Variants in SRBD1 observed in about 807,000 individuals in gnomAD.
SRBD1 encodes S1 RNA-binding domain-containing protein 1.
Under a neutral mutation model 115.3 loss-of-function variants are expected in SRBD1, and 88 were observed. The observed-to-expected ratio is 0.76, with a 90% CI of 0.64 to 0.91. The LOEUF (loss-of-function observed/expected upper bound fraction) is 0.91. SRBD1 is among the 40% of genes least tolerant of loss of function. SRBD1 has a pLI of 0.00. For missense variants in SRBD1, 1,385 were observed against 1,177.4 expected, an observed-to-expected ratio of 1.18 and a Z score of -2.58; for synonymous variants, 509 against 407.7, an observed-to-expected ratio of 1.25 and a Z score of -2.99.
chr2:45,401,355 G>T (rs931105650), intron 19 of SRBD1, among the ~76,000 whole-genome samples: 1 of 152,150 alleles, frequency 6.6e-6, no homozygotes, highest in Non-Finnish European at 1.5e-5. Context: ...TCTCTTTTAT[G>T]ATGCTATGTC....
chr2:45,425,220 A>C (rs536976596), intron 16 of SRBD1, among the ~76,000 whole-genome samples: 1 of 152,214 alleles, frequency 6.6e-6, no homozygotes, highest in Non-Finnish European at 1.5e-5. Flanking sequence ...GACTGAGACA[A>C]TGAAAACTAT....
At chr2:45,500,590 T>G (rs946548837) in intron 14 of SRBD1, among the ~76,000 whole-genome samples, 11 of 152,002 alleles carry the variant, frequency 7.2e-5, no homozygotes, top group African/African-American at 1.7e-4. Flanking sequence ...GCCCAGCTAA[T>G]TTTTTTGTAG....
At chr2:45,563,191 C>CCTAT (rs565565887) in intron 9 of SRBD1, among the ~76,000 whole-genome samples, 1 of 152,064 alleles carries the variant, frequency 6.6e-6, no homozygotes, top group Admixed American at 6.6e-5. Context: ...AATTGTAGAG[C>CCTAT]CTATCTAAGC....
chr2:45,402,767 T>C (rs1667325132), intron 19 of SRBD1, among the ~76,000 whole-genome samples: 1 of 152,138 alleles, frequency 6.6e-6, no homozygotes, highest in South Asian at 2.1e-4. Flanking sequence ...CAGCAGATTC[T>C]CTGGGAGAGT....
intron 19 of SRBD1, among the ~76,000 whole-genome samples, chr2:45,405,762 C>T (rs10206810): frequency 0.26 from 11,952 of 46,028 alleles, 632 homozygotes; most frequent in African/African-American, 0.39. Flanking sequence ...GTAAAAGAGA[C>T]GACTGGTCAT....
intron 14 of SRBD1, among the ~76,000 whole-genome samples, chr2:45,541,699 G>GGA (rs1354872821): frequency 6.6e-6 from 1 of 152,200 alleles, no homozygotes; most frequent in African/African-American, 2.4e-5. Flanking sequence ...CCAGTGGAGA[G>GGA]GAGATGGGCA....
At chr2:45,553,215 C>G (rs986907686) in intron 11 of SRBD1, among the ~76,000 whole-genome samples, 12 of 152,108 alleles carry the variant, frequency 7.9e-5, no homozygotes, top group African/African-American at 2.7e-4. Flanking sequence ...TTAATAATCT[C>G]CTAATATTTA....
At chr2:45,526,040 T>G (rs1236260157) in intron 14 of SRBD1, among the ~76,000 whole-genome samples, 1 of 152,034 alleles carries the variant, frequency 6.6e-6, no homozygotes, top group Non-Finnish European at 1.5e-5. Context: ...GCCACCACTT[T>G]GGAAAACAGT....
chr2:45,545,009 G>T (rs147296681), intron 14 of SRBD1, among the ~76,000 whole-genome samples: 1 of 151,950 alleles, frequency 6.6e-6, no homozygotes, highest in Non-Finnish European at 1.5e-5. Context: ...GGCCGGGCGC[G>T]GTGGCTCATG....
At chr2:45,593,053 A>G (rs1673774249) in intron 4 of SRBD1, among the ~76,000 whole-genome samples, 1 of 152,204 alleles carries the variant, frequency 6.6e-6, no homozygotes, top group South Asian at 2.1e-4. Context: ...TATATTTTTT[A>G]AAAATTAACT....
chr2:45,610,688 C>G (rs752628631), intron 1 of SRBD1, among the ~76,000 whole-genome samples: 1 of 152,192 alleles, frequency 6.6e-6, no homozygotes, highest in African/African-American at 2.4e-5. Context: ...ACAGAAGGTG[C>G]AGTTGATTCA....
At chr2:45,524,126 A>G (rs1671369830) in intron 14 of SRBD1, among the ~76,000 whole-genome samples, 1 of 152,054 alleles carries the variant, frequency 6.6e-6, no homozygotes, top group South Asian at 2.1e-4. Flanking sequence ...GAAATACTCA[A>G]CAAACTAGAA....
chr2:45,412,143 A>G (rs1454676623), intron 19 of SRBD1, among the ~76,000 whole-genome samples: 38 of 152,072 alleles, frequency 2.5e-4, no homozygotes, highest in Admixed American at 2.4e-3. Flanking sequence ...AAAAAATAAG[A>G]TGGATGGATA....
intron 16 of SRBD1, among the ~76,000 whole-genome samples, chr2:45,449,104 A>AT: frequency 6.6e-6 from 1 of 152,330 alleles, no homozygotes; most frequent in East Asian, 1.9e-4. Flanking sequence ...ACAAATTTTA[A>AT]TGTCTTTTTT....
chr2:45,466,954 C>G (rs1429255997), intron 16 of SRBD1, among the ~76,000 whole-genome samples: 4 of 152,172 alleles, frequency 2.6e-5, no homozygotes, highest in Non-Finnish European at 5.9e-5. Flanking sequence ...TGTCATTGCT[C>G]ACTCCAGGTT....
intron 14 of SRBD1, among the ~76,000 whole-genome samples, chr2:45,489,033 T>C (rs1177279202): frequency 1.3e-5 from 2 of 152,186 alleles, no homozygotes; most frequent in South Asian, 2.1e-4. Flanking sequence ...TCTTCCTTTC[T>C]TCTTTGGCTC....
chr2:45,517,692 A>C (rs746130067), intron 14 of SRBD1, among the ~76,000 whole-genome samples: 2 of 152,100 alleles, frequency 1.3e-5, no homozygotes, highest in Admixed American at 6.6e-5. Context: ...TATGATAACA[A>C]TTTATGTCTA....
intron 14 of SRBD1, among the ~76,000 whole-genome samples, chr2:45,522,365 G>C (rs1264976236): frequency 6.6e-6 from 1 of 152,038 alleles, no homozygotes; most frequent in Non-Finnish European, 1.5e-5. Context: ...TTTTAGTAGA[G>C]ATGGAGTTTA....
intron 14 of SRBD1, among the ~76,000 whole-genome samples, chr2:45,495,226 A>G (rs1240315797): frequency 1.3e-5 from 2 of 152,222 alleles, no homozygotes; most frequent in Non-Finnish European, 2.9e-5. Flanking sequence ...GACAGACCCG[A>G]ATTACCAACT....
Sources: gnomAD v4.1 joint callset for allele counts (sites outside exome capture counted in the v4.1 genomes callset) on GRCh38, gnomAD v4.1.1 for gene constraint, MANE v1.5 for transcripts, NCBI Gene and HGNC (gene_info 2026-07-23, HGNC 2026-07-21) for gene names.